The following TPMT variants were observed in gnomAD, a reference collection of about 807,000 sequenced individuals.
TPMT encodes S-adenosyl-L-methionine:thiopurine S-methyltransferase.
Under a neutral mutation model 34.2 loss-of-function variants are expected in TPMT, and 18 were observed. The observed-to-expected ratio is 0.53, with a 90% CI of 0.36 to 0.78. The LOEUF is 0.78. Ranked by LOEUF, TPMT falls within the 30% of genes least tolerant of loss-of-function variation. The probability of loss-of-function intolerance (pLI) is 0.00; values close to 1 mark genes in which losing one functional copy is unlikely to be tolerated. For missense variants in TPMT, 265 were observed against 288.1 expected (o/e 0.92, Z 0.58); for synonymous variants, 69 against 92.4 (o/e 0.75, Z 1.45).
At chr6:18,151,788 C>G (rs935938702) in intron 1 of TPMT, among the ~76,000 whole-genome samples, 1 of 151,988 alleles carries the variant, frequency 6.6e-6, no homozygotes, top group African/African-American at 2.4e-5. Flanking sequence ...GGTAGTCAGA[C>G]TTTCCATAGA....
chr6:18,152,665 T>C (rs573042235), intron 1 of TPMT, among the ~76,000 whole-genome samples: 3 of 151,928 alleles, frequency 2.0e-5, no homozygotes, highest in Admixed American at 6.6e-5. Flanking sequence ...CTTGGCTCAC[T>C]ACACACTTTC....
chr6:18,150,149 G>T lies in TPMT; in HGVS notation c.-44-978C>A, dbSNP rs1436781128. Among the ~76,000 whole-genome samples, 1 of 152,048 alleles carries T rather than the reference G, an allele frequency of 6.6e-6. No individual in the cohort carries two copies. Among genetic ancestry groups the T allele is most frequent in the Non-Finnish European group, 1.5e-5 (1 of 68,030 alleles). Reference sequence around the variant, plus strand: ...TGGGGTTCCCACACCCTCCACTTTGGGTTTGCTTAATTTGCTAGAGCAACT... The same window carrying T: ...TGGGGTTCCCACACCCTCCACTTTGTGTTTGCTTAATTTGCTAGAGCAACT... On this transcript the variant is annotated intron_variant, in intron 1 of 8. Coordinates refer to ENST00000309983, the MANE Select transcript of TPMT (RefSeq NM_000367.5). This position sits in a 1 kb window ranked among gnomAD's most constrained non-coding sequence, Gnocchi z 5.3.
chr6:18,136,938 C>T lies in TPMT; in HGVS notation c.494+2025G>A, dbSNP rs564793516. Among the ~76,000 whole-genome samples, 1 of 151,930 alleles carries T rather than the reference C, an allele frequency of 6.6e-6. No individual in the cohort carries two copies. The highest frequency in any genetic ancestry group is 1.5e-5 in the Non-Finnish European group (1 of 68,004). Reference sequence around the variant, plus strand: ...CCCTTGGGGAATCACGACTTTTAGGCATGCAAGGAGGATGGGAGTTCTGGA... The same window carrying T: ...CCCTTGGGGAATCACGACTTTTAGGTATGCAAGGAGGATGGGAGTTCTGGA... On this transcript the variant is annotated intron_variant, in intron 6 of 8. Coordinates refer to ENST00000309983, the MANE Select transcript of TPMT (RefSeq NM_000367.5). This position sits in a 1 kb window ranked among gnomAD's most constrained non-coding sequence, Gnocchi z 4.7.
chr6:18,130,819 G>T lies in TPMT; in HGVS notation c.626-39C>A, dbSNP rs1437408289. 1.3e-6 allele frequency: 2 copies of T among 1,519,112 alleles called. No individual in the cohort carries two copies. Among genetic ancestry groups the T allele is most frequent in the African/African-American group, 1.4e-5 (1 of 72,924 alleles). The allele number at this position is 1,519,112 out of a possible 1,614,324, so 94.1% of individuals were successfully genotyped here. A position where few individuals can be genotyped will look rare whatever the true frequency, so the allele number is the denominator to read the frequency against. ...GAGTAACATGTTAAAATACTATGAA[G>T]AATGACATCAGGGATTCTTTTAAAA... On this transcript the variant is annotated intron_variant, in intron 8 of 8. Transcript: ENST00000309983. This position sits in a 1 kb window ranked among gnomAD's most constrained non-coding sequence, Gnocchi z 4.2.
Position 18,146,575 on chromosome 6 carries a change from C to G in TPMT, c.233+1248G>C, listed in dbSNP as rs1784251087. Among the ~76,000 whole-genome samples, 1 of 152,148 alleles carries G rather than the reference C, an allele frequency of 6.6e-6. No homozygotes were observed. Among genetic ancestry groups the G allele is most frequent in the Non-Finnish European group, 1.5e-5 (1 of 68,022 alleles). On this transcript the variant is annotated intron_variant, in intron 3 of 8. Transcript: ENST00000309983. The surrounding 1 kb of genome is among the most constrained non-coding windows in gnomAD (Gnocchi z 6.2). ...TAATTGGCTATTTCATACCATTTTC[C>G]TAATGTTGCCTCAGAACCTGTTTGT... is the stretch of plus-strand genomic sequence containing the variant.
In TPMT at chr6:18,153,513, A is replaced by C. The variant is rs541434653; in HGVS notation, c.-45+1520T>G. Among the ~76,000 whole-genome samples the C allele has an allele frequency of 6.6e-6, 1 of 152,248 alleles. No individual in the cohort carries two copies. ...AACATTGCATAAAAGCATGTATTTC[A>C]GGCAAATTTCCCCTTTTGTTGCCAA... On this transcript the variant is annotated intron_variant, in intron 1 of 8. Transcript: ENST00000309983. This position sits in a 1 kb window ranked among gnomAD's most constrained non-coding sequence, Gnocchi z 4.2.
At chr6:18,144,142 G>C (rs1784203868) in intron 3 of TPMT, among the ~76,000 whole-genome samples, 1 of 152,060 alleles carries the variant, frequency 6.6e-6, no homozygotes, top group Non-Finnish European at 1.5e-5. Context: ...CAATAAAATA[G>C]GCATTAGCCA....
Position 18,149,811 on chromosome 6 carries a change from C to T in TPMT, c.-44-640G>A, listed in dbSNP as rs541397688. ...TGATAACAAAAAATTACTTTCAGTG[C>T]GTCTGGTGGTAGAATAATACCCCTT... On this transcript the variant is annotated intron_variant, in intron 1 of 8. Transcript: ENST00000309983. The surrounding 1 kb of genome is among the most constrained non-coding windows in gnomAD (Gnocchi z 5.0). 3.9e-5 allele frequency among the ~76,000 whole-genome samples: 6 copies of T among 152,186 alleles called. No individual in the cohort carries two copies. Among genetic ancestry groups the T allele is most frequent in the South Asian group, 2.1e-4 (1 of 4,806 alleles).
At position 18,138,975 on chromosome 6, in the gene TPMT, C is replaced by T. The variant is rs1784091267; in HGVS notation, c.482G>A (p.Gly161Asp). Residue 161 changes from glycine to aspartate, a missense_variant, in exon 6 of 9, where the codon GGT becomes GAT. Transcript: ENST00000309983. The surrounding 1 kb of genome is among the most constrained non-coding windows in gnomAD (Gnocchi z 4.1). Reference sequence around the variant, plus strand: ...AAAAATTACTTACCATTTGCGATCACCTGGATTGATGGCAACTAATGCTCC... The same window carrying T: ...AAAAATTACTTACCATTTGCGATCATCTGGATTGATGGCAACTAATGCTCC... ...DRGALVAINP[G>D]DRKCYADTMF... The T allele has an allele frequency of 1.2e-6, 2 of 1,613,442 alleles. No homozygotes were observed. Among genetic ancestry groups the T allele is most frequent in the Non-Finnish European group, 1.7e-6 (2 of 1,179,408 alleles).
At chr6:18,141,995 A>T (rs1384096750) in intron 4 of TPMT, among the ~76,000 whole-genome samples, 1 of 152,166 alleles carries the variant, frequency 6.6e-6, no homozygotes, top group Non-Finnish European at 1.5e-5. Context: ...GTTCATTTGC[A>T]TAATAAGATT....
chr6:18,153,497 T>A lies in TPMT; in HGVS notation c.-45+1536A>T, dbSNP rs1377551937. On this transcript the variant is annotated intron_variant, in intron 1 of 8. Coordinates refer to ENST00000309983, the MANE Select transcript of TPMT (RefSeq NM_000367.5). The surrounding 1 kb of genome is among the most constrained non-coding windows in gnomAD (Gnocchi z 4.2). ...AATCTGTGAAATAGCAAACATTGCA[T>A]AAAAGCATGTATTTCAGGCAAATTT... 6.6e-6 allele frequency among the ~76,000 whole-genome samples: 1 copy of A among 152,234 alleles called. No individual in the cohort carries two copies. Among genetic ancestry groups the A allele is most frequent in the Admixed American group, 6.5e-5 (1 of 15,276 alleles).
upstream of TPMT, chr6:18,155,117 A>G (rs999695445): frequency 3.2e-5 from 3 of 94,646 alleles, no homozygotes; most frequent in Non-Finnish European, 6.6e-5. This position sits in a 1 kb window ranked among gnomAD's most constrained non-coding sequence, Gnocchi z 6.2. Context: ...CACCTCCGCC[A>G]CTTCTCCGCG....
Position 18,143,741 on chromosome 6 carries a change from A to G in TPMT, c.234-13T>C. 6.2e-7 allele frequency: 1 copy of G among 1,613,932 alleles called. No homozygotes were observed. Among genetic ancestry groups the G allele is most frequent in the Non-Finnish European group, 8.5e-7 (1 of 1,179,948 alleles). Reference sequence around the variant, plus strand: ...CCGGTCTGCAAACCTGCATAAAATCATACATTTACACTTAAATTATGTTTT... The same window carrying G: ...CCGGTCTGCAAACCTGCATAAAATCGTACATTTACACTTAAATTATGTTTT... On this transcript the variant is annotated splice_polypyrimidine_tract_variant and intron_variant, in intron 3 of 8. Transcript: ENST00000309983. The surrounding 1 kb of genome is among the most constrained non-coding windows in gnomAD (Gnocchi z 6.1).
Position 18,148,278 on chromosome 6 carries a change from C to T in TPMT, c.141-363G>A, listed in dbSNP as rs1582047622. Among the ~76,000 whole-genome samples the T allele has an allele frequency of 2.0e-5, 3 of 152,196 alleles. No homozygotes were observed. Among genetic ancestry groups the T allele is most frequent in the Admixed American group, 2.0e-4 (3 of 15,264 alleles). On this transcript the variant is annotated intron_variant, in intron 2 of 8. Coordinates refer to ENST00000309983, the MANE Select transcript of TPMT (RefSeq NM_000367.5). The surrounding 1 kb of genome is among the most constrained non-coding windows in gnomAD (Gnocchi z 4.1). ...TACGTTCTCTAAACGTGTACTCAAG[C>T]CTCGGAAGTAAACCTGAGAAGTGTA...
At position 18,131,653 on chromosome 6, in the gene TPMT, G is replaced by A. The variant is rs1397513469; in HGVS notation, c.625+480C>T. Among the ~76,000 whole-genome samples, 3 of 152,062 alleles carry A rather than the reference G, an allele frequency of 2.0e-5. No homozygotes were observed. The highest frequency in any genetic ancestry group is 4.4e-5 in the Non-Finnish European group (3 of 68,002). ...AAATACCTTTAACATAGAGCATATA[G>A]CATATATACAGAGCATATTTACAGA... On this transcript the variant is annotated intron_variant, in intron 8 of 8. Coordinates refer to ENST00000309983, the MANE Select transcript of TPMT (RefSeq NM_000367.5). This position sits in a 1 kb window ranked among gnomAD's most constrained non-coding sequence, Gnocchi z 4.3.
rs1030867313 is a variant in TPMT, at chr6:18,138,350, C to A, written c.494+613G>T. Among the ~76,000 whole-genome samples the A allele has an allele frequency of 3.3e-5, 5 of 151,362 alleles. No individual in the cohort carries two copies. Among genetic ancestry groups the A allele is most frequent in the Admixed American group, 6.6e-5 (1 of 15,164 alleles). On this transcript the variant is annotated intron_variant, in intron 6 of 8. Coordinates refer to ENST00000309983, the MANE Select transcript of TPMT (RefSeq NM_000367.5). The surrounding 1 kb of genome is among the most constrained non-coding windows in gnomAD (Gnocchi z 4.1). ...GCAGTGGTACGATCATAGCTCACTGCAGCTTTGAACTTCTGGGCTCACCCT... is the reference window on the plus strand; with the variant it reads ...GCAGTGGTACGATCATAGCTCACTGAAGCTTTGAACTTCTGGGCTCACCCT...
At position 18,140,815 on chromosome 6, in the gene TPMT, A is replaced by G. The variant is rs568946929; in HGVS notation, c.367-1098T>C. Among the ~76,000 whole-genome samples, 1 of 152,172 alleles carries G rather than the reference A, an allele frequency of 6.6e-6. No individual in the cohort carries two copies. Among genetic ancestry groups the G allele is most frequent in the African/African-American group, 2.4e-5 (1 of 41,446 alleles). ...GTGTGGACTGGGGGCACACTCCAAG[A>G]GGGGGCAATATAACATAGACTTTAG... On this transcript the variant is annotated intron_variant, in intron 4 of 8. Transcript: ENST00000309983. The surrounding 1 kb of genome is among the most constrained non-coding windows in gnomAD (Gnocchi z 4.7).
In TPMT at chr6:18,145,876, TGGGA is replaced by T. The variant is rs1394922571; in HGVS notation, c.233+1943_233+1946del. ...GCTTATGCCTGTTATCCCAGCATGT[TGGGA>T]GGGAGGATCTCTTGAGCCCAGGAGT... On this transcript the variant is annotated intron_variant, in intron 3 of 8. Transcript: ENST00000309983. This position sits in a 1 kb window ranked among gnomAD's most constrained non-coding sequence, Gnocchi z 5.6. Among the ~76,000 whole-genome samples, 1 of 152,130 alleles carries T rather than the reference TGGGA, an allele frequency of 6.6e-6. No individual in the cohort carries two copies. Among genetic ancestry groups the T allele is most frequent in the East Asian group, 1.9e-4 (1 of 5,178 alleles).
In TPMT at chr6:18,132,249, A is replaced by G; in HGVS notation, c.581-72T>C. 7.2e-7 allele frequency: 1 copy of G among 1,396,728 alleles called. No individual in the cohort carries two copies. Among genetic ancestry groups the G allele is most frequent in the South Asian group, 1.2e-5 (1 of 84,874 alleles). 86.5% of individuals were successfully genotyped at this position (1,396,728 alleles called of 1,614,324 possible). A position where few individuals can be genotyped will look rare whatever the true frequency, so the allele number is the denominator to read the frequency against. ...GTGTACTTGTTCTACATACAACTTC[A>G]TTATCCAAATAGGTGATGATGTGGC... is the stretch of plus-strand genomic sequence containing the variant. On this transcript the variant is annotated intron_variant, in intron 7 of 8. Coordinates refer to ENST00000309983, the MANE Select transcript of TPMT (RefSeq NM_000367.5). The surrounding 1 kb of genome is among the most constrained non-coding windows in gnomAD (Gnocchi z 4.8).
Sources: gnomAD v4.1 joint callset for allele counts (sites outside exome capture counted in the v4.1 genomes callset) on GRCh38, gnomAD v4.1.1 for gene constraint, Gnocchi (gnomAD v3.1) non-coding constraint, MANE v1.5 for transcripts, NCBI Gene and HGNC (gene_info 2026-07-23, HGNC 2026-07-21) for gene names.